ADPRHL1: variants seen among roughly 807,000 people sequenced by gnomAD.
ADPRHL1 encodes ADP-ribosylhydrolase like 1, also known as inactive ADP-ribosyltransferase ARH2.
A neutral mutation model predicts 44.1 loss-of-function variants in ADPRHL1; 43 were observed. That is an observed-to-expected ratio of 0.98 (90% CI 0.76 to 1.26). The LOEUF is 1.26. Among genes scored for constraint, ADPRHL1 ranks in the 50% most tolerant of loss-of-function variants. The pLI is 0.00. For synonymous variants in ADPRHL1, 878 were observed against 1,017.4 expected, an observed-to-expected ratio of 0.86 and a Z score of 2.61; for missense variants, 2,022 against 2,496.9, an observed-to-expected ratio of 0.81 and a Z score of 4.05.
At chr13:113,419,704 G>A (rs1273779306) in intron 7 of ADPRHL1, among the ~76,000 whole-genome samples, 2 of 152,158 alleles carry the variant, frequency 1.3e-5, no homozygotes, top group African/African-American at 4.8e-5. Flanking sequence ...TGGCACAGGA[G>A]TACAATGGAA....
Position 113,407,681 on chromosome 13 carries a change from G to C in ADPRHL1, c.1601C>G (p.Ala534Gly). The change falls in exon 8 of 8, where the codon GCC (alanine) becomes GGC (glycine). Residue 534 changes from alanine (A) to glycine (G), a missense_variant. Coordinates refer to ENST00000612156, the MANE Select transcript of ADPRHL1 (RefSeq NM_001394807.1). Reference sequence around the variant, plus strand: ...CATGATCTTCGGCAAGAGGCCCCTGGCGGCTTTGGGCCGCTCCACAGGGGG... The same window carrying C: ...CATGATCTTCGGCAAGAGGCCCCTGCCGGCTTTGGGCCGCTCCACAGGGGG... ...EKPPVERPKA[A>G]RGLLPKIMGK... 8.1e-7 allele frequency: 1 copy of C among 1,232,062 alleles called. No individual in the cohort carries two copies. Among genetic ancestry groups the C allele is most frequent in the Non-Finnish European group, 1.0e-6 (1 of 988,004 alleles). 76.3% of individuals were successfully genotyped at this position (1,232,062 alleles called of 1,614,324 possible). A position where few individuals can be genotyped will look rare whatever the true frequency, so the allele number is the denominator to read the frequency against.
rs968125939 is a variant in ADPRHL1 at position 113,441,703 on chromosome 13, T to C, written c.379+2722A>G. ...CCATTTCTGTAACACTCTATCCCGC[T>C]GCGTGGGTCCATGTCTCTATCATGC... On this transcript the variant is annotated intron_variant, in intron 2 of 7. Transcript: ENST00000612156. This position sits in a 1 kb window ranked among gnomAD's most constrained non-coding sequence, Gnocchi z 6.0. 3.3e-5 allele frequency among the ~76,000 whole-genome samples: 5 copies of C among 152,042 alleles called. No homozygotes were observed. Among genetic ancestry groups the C allele is most frequent in the Non-Finnish European group, 1.5e-5 (1 of 67,954 alleles).
intron 2 of ADPRHL1, among the ~76,000 whole-genome samples, chr13:113,440,111 T>C (rs2044087102): frequency 6.6e-6 from 1 of 152,242 alleles, no homozygotes; most frequent in African/African-American, 2.4e-5. Context: ...TTCTTTCTTC[T>C]GCTTTCTTTT....
At chr13:113,422,546 G>C (rs1417998671) in intron 7 of ADPRHL1, 5 of 450,468 alleles carry the variant, frequency 1.1e-5, no homozygotes, top group Non-Finnish European at 1.2e-5. Flanking sequence ...CTGTCCAGGA[G>C]ACTGCGGGTG....
chr13:113,446,660 T>A (rs1457215811), intron 1 of ADPRHL1, among the ~76,000 whole-genome samples: 1 of 152,192 alleles, frequency 6.6e-6, no homozygotes, highest in East Asian at 1.9e-4. Flanking sequence ...GTGTTGTATG[T>A]GCATGGTGTT....
intron 1 of ADPRHL1, among the ~76,000 whole-genome samples, chr13:113,452,754 A>C (rs1174364561): frequency 2.0e-5 from 3 of 152,218 alleles, no homozygotes; most frequent in African/African-American, 7.2e-5. Context: ...CTAATCCCCA[A>C]ACAGTATTAA....
chr13:113,425,002 G>T, intron 5 of ADPRHL1, 50 bp downstream of exon 5: 2 of 1,605,966 alleles, frequency 1.2e-6, no homozygotes, highest in Non-Finnish European at 1.7e-6. Flanking sequence ...TGCACTTATT[G>T]AGCACCACTG....
At chr13:113,428,839 C>T (rs2043985810) in intron 4 of ADPRHL1, 113 bp downstream of exon 4, 1 of 1,504,258 alleles carries the variant, frequency 6.6e-7, no homozygotes, top group Non-Finnish European at 9.0e-7. Context: ...GGACAGGGCC[C>T]TCCCAGTTCC....
rs897057931 is a variant in ADPRHL1 at position 113,407,785 on chromosome 13, C to T, written c.1497G>A (p.Lys499=). The T allele has an allele frequency of 6.5e-6, 8 of 1,232,086 alleles. No individual in the cohort carries two copies. The highest frequency in any genetic ancestry group is 8.1e-6 in the Non-Finnish European group (8 of 988,052). 76.3% of individuals were successfully genotyped at this position (1,232,086 alleles called of 1,614,324 possible). The part of the protein sequence containing the change: ...EKPRWGHPAG[K]STVKNILKIF... The stretch of plus-strand genomic sequence containing the variant: ...TCTTCAGGATGTTTTTCACGGTGCT[C>T]TTCCCGGCCGGGTGGCCCCAGCGGG... Residue 499 remains lysine, a synonymous_variant, in exon 8 of 8, where the codon AAG becomes AAA. Transcript: ENST00000612156.
chr13:113,430,638 A>G (rs896682256), intron 3 of ADPRHL1, among the ~76,000 whole-genome samples: 2 of 152,032 alleles, frequency 1.3e-5, no homozygotes, highest in Non-Finnish European at 2.9e-5. Context: ...TGGTGACAGG[A>G]CCAGTAGCAG....
intron 4 of ADPRHL1, among the ~76,000 whole-genome samples, chr13:113,426,169 G>C (rs2043966866): frequency 6.6e-6 from 1 of 152,212 alleles, no homozygotes; most frequent in Non-Finnish European, 1.5e-5. Flanking sequence ...CGCTGACTCA[G>C]AAGGGAGTCT....
At position 113,400,544 on chromosome 13, in the gene ADPRHL1, T is replaced by C. The variant is rs2043753141; in HGVS notation, c.*2834A>G. On this transcript the variant is annotated 3_prime_UTR_variant, in exon 8 of 8. Transcript: ENST00000612156. ...TGGTTAGCGCCCCATTCTTCTGCTG[T>C]AGTTATTTCACCCCGGGAGGGTGTG... The C allele has an allele frequency of 1.3e-5, 2 of 151,948 alleles. No individual in the cohort carries two copies. The highest frequency in any genetic ancestry group is 2.4e-5 in the African/African-American group (1 of 41,358). The allele number at this position is 151,948 out of a possible 1,614,324, so 9.4% of individuals were successfully genotyped here.
At position 113,404,909 on chromosome 13, in the gene ADPRHL1, G is replaced by T; in HGVS notation, c.4373C>A (p.Ala1458Glu). Residue 1458 changes from alanine to glutamate, a missense_variant, in exon 8 of 8, where the codon GCG becomes GAG. Physicochemically the swap from Ala to Glu is moderately radical, Grantham distance 107 (BLOSUM62 -1). Transcript: ENST00000612156. ...GPWEERGRST[A>E]WGEGTRAARN... ...GGCAGCCCTGGTGCCCTCTCCCCAC[G>T]CCGTGCTCCGCCCCCGCTCCTCCCA... 1 of 1,243,728 alleles carries T rather than the reference G, an allele frequency of 8.0e-7. No individual in the cohort carries two copies. Among genetic ancestry groups the T allele is most frequent in the Non-Finnish European group, 1.0e-6 (1 of 995,952 alleles). The allele number at this position is 1,243,728 out of a possible 1,614,324, so 77.0% of individuals were successfully genotyped here. A position where few individuals can be genotyped will look rare whatever the true frequency, so the allele number is the denominator to read the frequency against.
In ADPRHL1 at chr13:113,433,665, C is replaced by G. The variant is rs184443580; in HGVS notation, c.505+77G>C. 966 of 1,481,432 alleles carry G rather than the reference C, an allele frequency of 6.5e-4. 13 individuals carry two copies. In the African/African-American group the frequency reaches 0.012, roughly 19 times the overall value. The allele number at this position is 1,481,432 out of a possible 1,614,324, so 91.8% of individuals were successfully genotyped here. ...CCAGGCCCCCGCCCCCCACCCCACA[C>G]TTAACCTGTGAGGTGGTTGTGGGTC... On this transcript the variant is annotated intron_variant, in intron 3 of 7. Coordinates refer to ENST00000612156, the MANE Select transcript of ADPRHL1 (RefSeq NM_001394807.1).
chr13:113,411,235 AT>A (rs766540403), intron 7 of ADPRHL1, among the ~76,000 whole-genome samples: 2 of 152,140 alleles, frequency 1.3e-5, no homozygotes, highest in African/African-American at 2.4e-5. Flanking sequence ...GCGAGCTTGG[AT>A]GAAGAGAGTA....
Position 113,416,662 on chromosome 13 carries a change from G to A in ADPRHL1, c.1061+6164C>T, listed in dbSNP as rs146041517. ...ATAAAGGAAACCGATGAAGCAGTAG[G>A]CACAATTTCTAACACATAATAAAAA... On this transcript the variant is annotated intron_variant, in intron 7 of 7. Transcript: ENST00000612156. Among the ~76,000 whole-genome samples the A allele has an allele frequency of 1.3e-3, 193 of 152,284 alleles. 3 individuals carry two copies. The East Asian group carries it at 0.029, about 23-fold the overall frequency.
At chr13:113,448,078 C>T (rs149585878) in intron 1 of ADPRHL1, among the ~76,000 whole-genome samples, 166 of 152,264 alleles carry the variant, frequency 1.1e-3, no homozygotes, top group African/African-American at 3.7e-3. Context: ...AGAATTTAAG[C>T]GAGAAACAGA....
rs1188505614 is a variant in ADPRHL1, at chr13:113,424,291, A to T, written c.833T>A (p.Met278Lys). ...RGGRRGHDAP[M>K]IAYDALLAAG... ...TGCAAGGAGGGCGTCATAGGCTATC[A>T]TGGGGGCATCGTGGCCTCGTCTTCC... The change falls in exon 6 of 8, where the codon ATG becomes AAG. Residue 278 changes from methionine to lysine, a missense_variant. Met to Lys is a moderately conservative substitution (Grantham distance 95). Transcript: ENST00000612156. 1 of 1,612,764 alleles carries T rather than the reference A, an allele frequency of 6.2e-7. No homozygotes were observed. Among genetic ancestry groups the T allele is most frequent in the Non-Finnish European group, 8.5e-7 (1 of 1,179,916 alleles).
At position 113,404,536 on chromosome 13, in the gene ADPRHL1, T is replaced by C; in HGVS notation, c.4746A>G (p.Gly1582=). The C allele has an allele frequency of 7.7e-7, 1 of 1,297,460 alleles. No homozygotes were observed. The highest frequency in any genetic ancestry group is 9.7e-7 in the Non-Finnish European group (1 of 1,027,824). The allele number at this position is 1,297,460 out of a possible 1,614,324, so 80.4% of individuals were successfully genotyped here. ...GCCCCTGAGCCCATTTCTGGGCCTG[T>C]CCCTGAACCTGTCCCTGGGCCCCAC... The part of the protein sequence containing the change: ...AQGGAQGQVQ[G]QAQKWAQGQI... The change falls in exon 8 of 8, where the codon GGA becomes GGG. Residue 1582 remains glycine, a synonymous_variant. Transcript: ENST00000612156.
Sources: allele counts gnomAD v4.1 joint callset (sites outside exome capture counted in the v4.1 genomes callset), GRCh38; gene constraint gnomAD v4.1.1; non-coding constraint Gnocchi (gnomAD v3.1); transcripts MANE v1.5; gene names NCBI Gene and HGNC (gene_info 2026-07-23, HGNC 2026-07-21).